The following SORCS2 variants were observed in gnomAD, a reference collection of about 807,000 sequenced individuals.
The protein encoded by SORCS2 is VPS10 domain-containing receptor SorCS2.
In SORCS2, 100 loss-of-function variants were observed where a neutral mutation model predicts 141.6. That is an observed-to-expected ratio of 0.71 (90% confidence interval 0.60 to 0.83). The LOEUF (loss-of-function observed/expected upper bound fraction) is 0.83. SORCS2 is among the 40% of genes least tolerant of loss of function. SORCS2 has a pLI of 0.00. For missense variants in SORCS2, 1,646 were observed against 1,560.2 expected (o/e 1.05, Z -0.93); for synonymous variants, 789 against 676.9 (o/e 1.17, Z -2.57).
chr4:7,574,706 A>G (rs1233790448), intron 3 of SORCS2, among the ~76,000 whole-genome samples: 1 of 152,138 alleles, frequency 6.6e-6, no homozygotes, highest in East Asian at 1.9e-4. Flanking sequence ...ATCATAAGGA[A>G]GTCACCAGGG....
At chr4:7,594,678 C>A (rs1717142230) in intron 3 of SORCS2, among the ~76,000 whole-genome samples, 1 of 152,164 alleles carries the variant, frequency 6.6e-6, no homozygotes, top group Admixed American at 6.5e-5. Flanking sequence ...TCCTCTTCAA[C>A]TCTGGCCACA....
At chr4:7,246,924 A>G (rs943653739) in intron 1 of SORCS2, among the ~76,000 whole-genome samples, 2 of 152,230 alleles carry the variant, frequency 1.3e-5, no homozygotes, top group African/African-American at 2.4e-5. Context: ...CCCTCCGTCC[A>G]GGCTCTACCC....
chr4:7,362,335 C>T (rs576745797), intron 1 of SORCS2, among the ~76,000 whole-genome samples: 10 of 152,110 alleles, frequency 6.6e-5, no homozygotes, highest in East Asian at 1.9e-4. Context: ...CCTTCCACGC[C>T]GCATCCTACC....
At chr4:7,691,300 G>A (rs1188509010) in intron 11 of SORCS2, among the ~76,000 whole-genome samples, 1 of 152,246 alleles carries the variant, frequency 6.6e-6, no homozygotes, top group Non-Finnish European at 1.5e-5. Flanking sequence ...GGCTGTTTGT[G>A]AATGAGTGAG....
In SORCS2 at chr4:7,434,353, C is replaced by T. The variant is rs199512404; in HGVS notation, c.548+37998C>T. 4,557 of 1,607,980 alleles carry T rather than the reference C, an allele frequency of 2.8e-3. 19 individuals carry two copies. The highest frequency in any genetic ancestry group is 6.6e-3 in the Middle Eastern group (40 of 6,050). On this transcript the variant is annotated intron_variant, in intron 2 of 26. Transcript: ENST00000507866. Reference sequence around the variant, plus strand: ...GCACAGAGCTCCTTCAGGCGCCTGGCGGGGGTGGAAGGTAAGGGGCCCATT... The same window carrying T: ...GCACAGAGCTCCTTCAGGCGCCTGGTGGGGGTGGAAGGTAAGGGGCCCATT...
chr4:7,573,990 T>A (rs537776124), intron 3 of SORCS2, among the ~76,000 whole-genome samples: 1 of 152,278 alleles, frequency 6.6e-6, no homozygotes, highest in Non-Finnish European at 1.5e-5. Context: ...TCTTCCTGAA[T>A]GTCACCTTCT....
intron 3 of SORCS2, among the ~76,000 whole-genome samples, chr4:7,614,826 T>TCATCCATC (rs893294200): frequency 1.3e-5 from 2 of 149,238 alleles, no homozygotes; most frequent in African/African-American, 5.0e-5. Flanking sequence ...CACCATCCAT[T>TCATCCATC]CATCCATCCA....
At chr4:7,620,396 G>T (rs941797034) in intron 3 of SORCS2, among the ~76,000 whole-genome samples, 2 of 152,186 alleles carry the variant, frequency 1.3e-5, no homozygotes, top group African/African-American at 4.8e-5. Flanking sequence ...CCTGCCTGCA[G>T]CCCACGCTGT....
At chr4:7,554,502 A>G (rs1050584044) in intron 3 of SORCS2, among the ~76,000 whole-genome samples, 1 of 152,130 alleles carries the variant, frequency 6.6e-6, no homozygotes, top group Admixed American at 6.5e-5. Context: ...TACCTTCCCT[A>G]TGAGACAGTC....
At chr4:7,598,598 C>G (rs1717441474) in intron 3 of SORCS2, among the ~76,000 whole-genome samples, 1 of 152,156 alleles carries the variant, frequency 6.6e-6, no homozygotes, top group Non-Finnish European at 1.5e-5. Flanking sequence ...GGGGGCAATG[C>G]AGGAGGCATG....
intron 1 of SORCS2, among the ~76,000 whole-genome samples, chr4:7,308,265 G>A (rs1332598299): frequency 6.6e-6 from 1 of 152,282 alleles, no homozygotes; most frequent in East Asian, 1.9e-4. Flanking sequence ...GGGGCCTCAA[G>A]GCAGTAGGAG....
Position 7,668,411 on chromosome 4 carries a change from A to G in SORCS2, c.1161+1198A>G, listed in dbSNP as rs13112285. The stretch of plus-strand genomic sequence containing the variant: ...CCCCAAGGCAGCTCCAAGAAGAGCA[A>G]GGGAGAAAATGGTTCGGGTGGAGGG... On this transcript the variant is annotated intron_variant, in intron 8 of 26. Coordinates refer to ENST00000507866, the MANE Select transcript of SORCS2 (RefSeq NM_020777.3). Among the ~76,000 whole-genome samples the G allele has an allele frequency of 8.2e-3, 1,256 of 152,256 alleles. 7 individuals are homozygous for G. Among genetic ancestry groups the G allele is most frequent in the Non-Finnish European group, 0.014 (924 of 68,020 alleles).
chr4:7,455,842 G>T (rs1728874419), intron 2 of SORCS2, among the ~76,000 whole-genome samples: 1 of 152,204 alleles, frequency 6.6e-6, no homozygotes. Context: ...CTCTGTACTG[G>T]GTTCAGATTC....
At chr4:7,229,826 C>T (rs1447597716) in intron 1 of SORCS2, among the ~76,000 whole-genome samples, 2 of 149,544 alleles carry the variant, frequency 1.3e-5, no homozygotes, top group African/African-American at 2.5e-5. Flanking sequence ...GTGTCATGCT[C>T]GTGTATGAAG....
rs373007271 is a variant in SORCS2, at chr4:7,689,113, C to T, written c.1489-373C>T. Among the ~76,000 whole-genome samples, 6 of 152,200 alleles carry T rather than the reference C, an allele frequency of 3.9e-5. 1 individual carries two copies. Among genetic ancestry groups the T allele is most frequent in the Admixed American group, 6.5e-5 (1 of 15,306 alleles). ...TTGACCCGGCACTTGGGCTCTTGAC[C>T]GATGCCCAAGAGCCCTCAGTGGGAG... On this transcript the variant is annotated intron_variant, in intron 10 of 26. Transcript: ENST00000507866.
At chr4:7,722,490 T>C (rs1279711840) in intron 18 of SORCS2, among the ~76,000 whole-genome samples, 1 of 152,146 alleles carries the variant, frequency 6.6e-6, no homozygotes, top group Non-Finnish European at 1.5e-5. Context: ...CGAAGGAGAA[T>C]CCATTTGCAC....
At chr4:7,389,920 G>A (rs754285347) in intron 1 of SORCS2, among the ~76,000 whole-genome samples, 2 of 152,004 alleles carry the variant, frequency 1.3e-5, no homozygotes, top group East Asian at 1.9e-4. Flanking sequence ...GCAGGGGTGC[G>A]GGCCTCCCTC....
intron 1 of SORCS2, among the ~76,000 whole-genome samples, chr4:7,392,743 G>A (rs6853191): frequency 0.43 from 65,637 of 151,712 alleles, 14,412 homozygotes; most frequent in East Asian, 0.58. Context: ...CACAGAGGGG[G>A]GAGGGCAGCA....
At chr4:7,197,539 G>A (rs1456715340) in intron 1 of SORCS2, among the ~76,000 whole-genome samples, 1 of 152,188 alleles carries the variant, frequency 6.6e-6, no homozygotes. Flanking sequence ...AGGGCATCAA[G>A]GCTGACCTAA....
Sources: gnomAD v4.1 joint callset for allele counts (sites outside exome capture counted in the v4.1 genomes callset) on GRCh38, gnomAD v4.1.1 for gene constraint, MANE v1.5 for transcripts, NCBI Gene and HGNC (gene_info 2026-07-23, HGNC 2026-07-21) for gene names.